Variants in KCNIP4 observed in about 807,000 individuals in gnomAD.
KCNIP4 encodes the protein potassium voltage-gated channel interacting protein 4, also known as Kv channel-interacting protein 4.
KCNIP4 carries 12 observed loss-of-function variants against 34.0 expected under a neutral mutation model. The ratio of observed to expected loss-of-function variants is 0.35; its 90% CI spans 0.23 to 0.57. The LOEUF is 0.57. Ranked by LOEUF, KCNIP4 falls within the 20% of genes least tolerant of loss-of-function variation. The pLI, the probability that KCNIP4 is intolerant of heterozygous loss-of-function variation, is 0.83. For missense variants in KCNIP4, 238 were observed against 311.7 expected (o/e 0.76, Z 1.78); for synonymous variants, 124 against 102.2 (o/e 1.21, Z -1.29).
intron 1 of KCNIP4, among the ~76,000 whole-genome samples, chr4:21,589,542 G>T (rs1742008749): frequency 6.6e-6 from 1 of 151,522 alleles, no homozygotes; most frequent in South Asian, 2.1e-4. Flanking sequence ...TGGATAAGCA[G>T]ACTAAATACT....
At chr4:21,528,136 A>G (rs572720077) in intron 1 of KCNIP4, among the ~76,000 whole-genome samples, 1 of 152,244 alleles carries the variant, frequency 6.6e-6, no homozygotes, top group East Asian at 1.9e-4. Context: ...GCCTTCAGCT[A>G]TTACAGGTTG....
In KCNIP4 at chr4:21,323,144, G is replaced by GTATATATATA. The variant is rs747961833; in HGVS notation, c.62-440445_62-440436dup. On this transcript the variant is annotated intron_variant, in intron 1 of 8. Transcript: ENST00000382152. ...CTGAAAAATGGCATCTCTTTTGTAA[G>GTATATATATA]TATATATATATATATATATGTATAT... Among the ~76,000 whole-genome samples the GTATATATATA allele has an allele frequency of 1.1e-3, 83 of 77,906 alleles. 1 individual carries two copies. Among genetic ancestry groups the GTATATATATA allele is most frequent in the African/African-American group, 4.4e-3 (79 of 18,068 alleles). 51.1% of individuals were successfully genotyped at this position (77,906 alleles called of 152,430 possible).
At chr4:21,757,420 A>C (rs1012787923) in intron 1 of KCNIP4, among the ~76,000 whole-genome samples, 3 of 152,174 alleles carry the variant, frequency 2.0e-5, no homozygotes, top group Non-Finnish European at 4.4e-5. Flanking sequence ...ATAATGATCA[A>C]GTATCTATGT....
chr4:21,835,069 C>G (rs918647927), intron 1 of KCNIP4, among the ~76,000 whole-genome samples: 1 of 152,032 alleles, frequency 6.6e-6, no homozygotes, highest in Non-Finnish European at 1.5e-5. Flanking sequence ...TTGGTTATGT[C>G]TCTGCCCAGC....
chr4:20,752,942 G>T (rs555013054), intron 4 of KCNIP4: 1 of 152,266 alleles, frequency 6.6e-6, no homozygotes, highest in African/African-American at 2.4e-5. Flanking sequence ...ACAGTCCAGG[G>T]CTTAAAAGAT....
rs1403969322 is a variant in KCNIP4, at chr4:21,234,330, AATTATATATAACATAC to A, written c.62-351637_62-351622del. On this transcript the variant is annotated intron_variant, in intron 1 of 8. Coordinates refer to ENST00000382152, the MANE Select transcript of KCNIP4 (RefSeq NM_025221.6). ...ATATAACATATATATAACATATATA[AATTATATATAACATAC>A]ATTATATATAACATATATAATATAT... Among the ~76,000 whole-genome samples the A allele has an allele frequency of 6.5e-5, 6 of 91,830 alleles. No homozygotes were observed. In the East Asian group the frequency reaches 1.8e-3, roughly 27 times the overall value. The allele number at this position is 91,830 out of a possible 152,430, so 60.2% of individuals were successfully genotyped here. A position where few individuals can be genotyped will look rare whatever the true frequency, so the allele number is the denominator to read the frequency against.
intron 1 of KCNIP4, among the ~76,000 whole-genome samples, chr4:21,468,642 A>G (rs986777617): frequency 3.9e-5 from 6 of 152,138 alleles, no homozygotes; most frequent in African/African-American, 1.4e-4. Context: ...CACCCAGAGA[A>G]AGAGAAAAAA....
intron 1 of KCNIP4, among the ~76,000 whole-genome samples, chr4:21,336,546 C>T (rs1201470898): frequency 1.3e-5 from 2 of 152,090 alleles, no homozygotes; most frequent in African/African-American, 4.8e-5. Context: ...TTCCCAGTTG[C>T]CAATTTGATT....
chr4:21,072,548 C>A (rs1201198797), intron 1 of KCNIP4, among the ~76,000 whole-genome samples: 1 of 151,654 alleles, frequency 6.6e-6, no homozygotes, highest in Non-Finnish European at 1.5e-5. Context: ...GATATTAGTC[C>A]TTTGTCAGAT....
intron 1 of KCNIP4, among the ~76,000 whole-genome samples, chr4:21,422,910 C>T (rs1003992879): frequency 5.3e-5 from 8 of 152,116 alleles, no homozygotes; most frequent in South Asian, 2.1e-4. Context: ...GAAGATACTA[C>T]GAGTTAAGAT....
chr4:21,611,025 G>A (rs1216383663), intron 1 of KCNIP4, among the ~76,000 whole-genome samples: 1 of 151,884 alleles, frequency 6.6e-6, no homozygotes, highest in East Asian at 1.9e-4. Flanking sequence ...GTGTCCATGT[G>A]TTCTCATTGT....
intron 1 of KCNIP4, among the ~76,000 whole-genome samples, chr4:21,435,565 G>A (rs375014707): frequency 1.3e-5 from 2 of 152,194 alleles, no homozygotes; most frequent in East Asian, 3.9e-4. Context: ...AGAAAAGAAA[G>A]CCTCTTATTT....
At chr4:21,451,585 G>T (rs902475072) in intron 1 of KCNIP4, among the ~76,000 whole-genome samples, 10 of 152,138 alleles carry the variant, frequency 6.6e-5, no homozygotes, top group Admixed American at 6.5e-4. Flanking sequence ...GTTGTAACAT[G>T]CTGTATAGAA....
chr4:21,144,263 A>T (rs550074369), intron 1 of KCNIP4, among the ~76,000 whole-genome samples: 1 of 152,304 alleles, frequency 6.6e-6, no homozygotes, highest in Non-Finnish European at 1.5e-5. Context: ...CAGTTGTAAC[A>T]TCCATACCAT....
At chr4:21,440,025 T>C (rs1275879657) in intron 1 of KCNIP4, among the ~76,000 whole-genome samples, 1 of 152,148 alleles carries the variant, frequency 6.6e-6, no homozygotes, top group Non-Finnish European at 1.5e-5. Flanking sequence ...CCTCAAACAC[T>C]CTGGTTTAAA....
chr4:20,762,967 G>C (rs1755072867), intron 3 of KCNIP4, among the ~76,000 whole-genome samples: 1 of 152,076 alleles, frequency 6.6e-6, no homozygotes, highest in South Asian at 2.1e-4. Flanking sequence ...GAAAGGAGAA[G>C]TGCTGAGTGA....
intron 3 of KCNIP4, among the ~76,000 whole-genome samples, chr4:20,812,748 G>T (rs1001619241): frequency 1.3e-5 from 2 of 152,052 alleles, no homozygotes; most frequent in Non-Finnish European, 2.9e-5. Flanking sequence ...TTCCTCCCTT[G>T]AACTTGATAG....
chr4:21,811,382 C>A (rs912541127), intron 1 of KCNIP4, among the ~76,000 whole-genome samples: 3 of 152,194 alleles, frequency 2.0e-5, no homozygotes, highest in Non-Finnish European at 4.4e-5. Flanking sequence ...ATATTTTAGA[C>A]TTTAATTAAG....
chr4:21,636,291 A>T (rs568914602), intron 1 of KCNIP4, among the ~76,000 whole-genome samples: 19 of 117,056 alleles, frequency 1.6e-4, no homozygotes, highest in South Asian at 7.3e-4. Context: ...AAAGTATAAT[A>T]AAAAAAAAGG....
Sources: allele counts gnomAD v4.1 joint callset (sites outside exome capture counted in the v4.1 genomes callset), GRCh38; gene constraint gnomAD v4.1.1; transcripts MANE v1.5; gene names NCBI Gene and HGNC (gene_info 2026-07-23, HGNC 2026-07-21).